The following DLGAP1 variants were observed in gnomAD, a reference collection of about 807,000 sequenced individuals.
DLGAP1 encodes disks large-associated protein 1.
In DLGAP1, 11 loss-of-function variants were observed where a neutral mutation model predicts 90.8. That is an observed-to-expected ratio of 0.12 (90% CI 0.08 to 0.20). DLGAP1 has a LOEUF of 0.20. Ranked by LOEUF, DLGAP1 falls within the 10% of genes least tolerant of loss-of-function variation. DLGAP1 has a pLI of 1.00. For synonymous variants in DLGAP1, 558 were observed against 540.7 expected (o/e 1.03, Z -0.44); for missense variants, 1,050 against 1,333.8 (o/e 0.79, Z 3.31).
chr18:4,149,808 G>A (rs1210700252), intron 2 of DLGAP1, among the ~76,000 whole-genome samples: 2 of 152,040 alleles, frequency 1.3e-5, no homozygotes, highest in African/African-American at 4.8e-5. Context: ...TCCCCACCCT[G>A]TCCGTGGAAA....
In DLGAP1 at chr18:4,383,723, G is replaced by T. The variant is rs536019840; in HGVS notation, c.-267+71283C>A. 1.3e-5 allele frequency among the ~76,000 whole-genome samples: 2 copies of T among 152,094 alleles called. No individual in the cohort carries two copies. Among genetic ancestry groups the T allele is most frequent in the Non-Finnish European group, 2.9e-5 (2 of 68,000 alleles). ...ACCCACATAATATGACCATGTGACT[G>T]TTTTAAGTAACCAAATGGAGAAAAC... On this transcript the variant is annotated intron_variant, in intron 1 of 12. Coordinates refer to ENST00000315677, the MANE Select transcript of DLGAP1 (RefSeq NM_004746.4). This position sits in a 1 kb window ranked among gnomAD's most constrained non-coding sequence, Gnocchi z 4.0.
chr18:4,332,989 C>T (rs532417969), intron 1 of DLGAP1, among the ~76,000 whole-genome samples: 1 of 152,090 alleles, frequency 6.6e-6, no homozygotes, highest in South Asian at 2.1e-4. Context: ...GTAATCTAAT[C>T]TTGGTGATAT....
chr18:4,164,356 A>T (rs1444594420), intron 1 of DLGAP1, among the ~76,000 whole-genome samples: 1 of 152,196 alleles, frequency 6.6e-6, no homozygotes, highest in Non-Finnish European at 1.5e-5. Context: ...GATGGGTTTA[A>T]AACAGCTATC....
chr18:3,878,682 A>G (rs1252468292), intron 4 of DLGAP1, among the ~76,000 whole-genome samples: 1 of 151,824 alleles, frequency 6.6e-6, no homozygotes, highest in Non-Finnish European at 1.5e-5. Context: ...CACAATGAAA[A>G]CCACCCCACA....
At chr18:3,989,397 G>A (rs2073914727) in intron 3 of DLGAP1, among the ~76,000 whole-genome samples, 2 of 152,208 alleles carry the variant, frequency 1.3e-5, no homozygotes, top group African/African-American at 4.8e-5. Context: ...TCAGGAGGCT[G>A]TGTGTCAATG....
chr18:3,867,293 T>TA (rs2070458158), intron 4 of DLGAP1, among the ~76,000 whole-genome samples: 2 of 152,178 alleles, frequency 1.3e-5, no homozygotes, highest in African/African-American at 2.4e-5. Flanking sequence ...AAATGCCACT[T>TA]AGCCTCTCCA....
intron 5 of DLGAP1, among the ~76,000 whole-genome samples, chr18:3,783,359 T>C (rs762971197): frequency 1.3e-5 from 2 of 152,214 alleles, no homozygotes; most frequent in African/African-American, 2.4e-5. Flanking sequence ...CATATGTTCA[T>C]AGGAGCATTA....
chr18:4,327,704 T>G (rs1228169202), intron 1 of DLGAP1, among the ~76,000 whole-genome samples: 1 of 152,086 alleles, frequency 6.6e-6, no homozygotes, highest in Non-Finnish European at 1.5e-5. Context: ...AGAATATTTT[T>G]GTGAAAGCTC....
At chr18:3,817,830 C>G (rs949567838) in intron 4 of DLGAP1, among the ~76,000 whole-genome samples, 1 of 152,094 alleles carries the variant, frequency 6.6e-6, no homozygotes, top group African/African-American at 2.4e-5. Context: ...TTCAGCTGCA[C>G]AGAGAGAAAA....
At chr18:4,323,098 A>G (rs1162759173) in intron 1 of DLGAP1, among the ~76,000 whole-genome samples, 1 of 152,178 alleles carries the variant, frequency 6.6e-6, no homozygotes, top group Non-Finnish European at 1.5e-5. Flanking sequence ...TAATAGCAAG[A>G]AAACAAATAA....
At chr18:3,962,948 G>A (rs2073234200) in intron 3 of DLGAP1, among the ~76,000 whole-genome samples, 1 of 152,122 alleles carries the variant, frequency 6.6e-6, no homozygotes, top group Non-Finnish European at 1.5e-5. Flanking sequence ...GTAGGTGTTG[G>A]TGTTCTTTCA....
At chr18:3,956,946 T>C (rs897010338) in intron 3 of DLGAP1, among the ~76,000 whole-genome samples, 1 of 152,118 alleles carries the variant, frequency 6.6e-6, no homozygotes, top group Admixed American at 6.5e-5. Context: ...GCCACCACAC[T>C]CTGCCAACAT....
chr18:4,124,173 T>C (rs541985218), intron 2 of DLGAP1, among the ~76,000 whole-genome samples: 4 of 152,322 alleles, frequency 2.6e-5, no homozygotes, highest in African/African-American at 9.6e-5. Context: ...GGTCTTCATT[T>C]CTTCCTGAGA....
At chr18:4,107,652 G>A (rs572347535) in intron 2 of DLGAP1, among the ~76,000 whole-genome samples, 8 of 152,316 alleles carry the variant, frequency 5.3e-5, no homozygotes, top group African/African-American at 1.9e-4. Context: ...ACTGAGTGAT[G>A]TGTAAATTAT....
chr18:3,923,026 C>T (rs533896630), intron 3 of DLGAP1, among the ~76,000 whole-genome samples: 42 of 147,746 alleles, frequency 2.8e-4, no homozygotes, highest in Non-Finnish European at 4.8e-4. Flanking sequence ...CCCAGCTACT[C>T]GGGAGGCTGA....
At chr18:3,635,250 C>T (rs897735220) in intron 7 of DLGAP1, among the ~76,000 whole-genome samples, 2 of 152,020 alleles carry the variant, frequency 1.3e-5, no homozygotes, top group Non-Finnish European at 2.9e-5. Context: ...CCTGCCTCAG[C>T]CTCCCGAGTA....
chr18:4,176,817 CGGA>C (rs1381466607), intron 1 of DLGAP1, among the ~76,000 whole-genome samples: 1 of 152,172 alleles, frequency 6.6e-6, no homozygotes, highest in African/African-American at 2.4e-5. Flanking sequence ...AGGAATGGAG[CGGA>C]TGCCATTGTT....
At chr18:3,580,636 G>A (rs1355598445) in intron 8 of DLGAP1, 42 of 1,598,268 alleles carry the variant, frequency 2.6e-5, no homozygotes, top group Middle Eastern at 1.7e-4. Flanking sequence ...AGCCTTTGTC[G>A]GCTGACCCAG....
intron 9 of DLGAP1, among the ~76,000 whole-genome samples, chr18:3,563,738 G>C (rs1173730893): frequency 1.3e-5 from 2 of 152,104 alleles, no homozygotes; most frequent in Non-Finnish European, 2.9e-5. Flanking sequence ...CAAAGTGCTG[G>C]GATTACAGGC....
Sources: allele counts gnomAD v4.1 joint callset (sites outside exome capture counted in the v4.1 genomes callset), GRCh38; gene constraint gnomAD v4.1.1; non-coding constraint Gnocchi (gnomAD v3.1); transcripts MANE v1.5; gene names NCBI Gene and HGNC (gene_info 2026-07-23, HGNC 2026-07-21).